Variants in CCDC102B observed in about 807,000 individuals in gnomAD.
CCDC102B encodes coiled-coil domain containing 102B.
In CCDC102B, 75 loss-of-function variants were observed where a neutral mutation model predicts 57.4. That is an observed-to-expected ratio of 1.31 (90% confidence interval 1.08 to 1.58). CCDC102B has a LOEUF of 1.58. Ranked by LOEUF, CCDC102B falls within the 40% of genes most tolerant of loss-of-function variation. The pLI, the probability that CCDC102B is intolerant of heterozygous loss-of-function variation, is 0.00. For synonymous variants in CCDC102B, 206 were observed against 201.9 expected (o/e 1.02, Z -0.17); for missense variants, 636 against 582.6 (o/e 1.09, Z -0.94).
rs1489258957 is a variant in CCDC102B at position 68,802,451 on chromosome 18, TTA to T, written c.-16+4272_-16+4273del. Among the ~76,000 whole-genome samples, 6 of 152,318 alleles carry T rather than the reference TTA, an allele frequency of 3.9e-5. No individual in the cohort carries two copies. The East Asian group carries it at 1.2e-3, about 29-fold the overall frequency. Reference sequence around the variant, plus strand: ...GCTATATGAATTTACTTGCTGGCTTTTATGTTTTTGATATGTTTTTATATTTT... The same window carrying T: ...GCTATATGAATTTACTTGCTGGCTTTTGTTTTTGATATGTTTTTATATTTT... On this transcript the variant is annotated intron_variant, in intron 1 of 7. Coordinates refer to ENST00000360242, the MANE Select transcript of CCDC102B (RefSeq NM_024781.3).
intron 2 of CCDC102B, among the ~76,000 whole-genome samples, chr18:68,780,113 AATACG>A: frequency 6.6e-6 from 1 of 152,120 alleles, no homozygotes; most frequent in Non-Finnish European, 1.5e-5. Context: ...TGAATTATAC[AATACG>A]TTGTTTTTTT....
chr18:68,970,153 A>G (rs540864721), intron 6 of CCDC102B, among the ~76,000 whole-genome samples: 1 of 152,182 alleles, frequency 6.6e-6, no homozygotes, highest in East Asian at 1.9e-4. Context: ...TGCTGTCAAA[A>G]TCATAGACTG....
At chr18:68,884,205 C>G (rs1193027380) in intron 5 of CCDC102B, among the ~76,000 whole-genome samples, 2 of 152,132 alleles carry the variant, frequency 1.3e-5, no homozygotes, top group Non-Finnish European at 2.9e-5. Context: ...TGTTAAGATA[C>G]AGCACTCCCA....
intron 7 of CCDC102B, chr18:69,011,350 G>A (rs2051510583): frequency 4.7e-6 from 2 of 424,974 alleles, no homozygotes; most frequent in East Asian, 6.5e-5. Context: ...ATGACCTTGT[G>A]TGCACGTGCG....
chr18:68,864,561 T>C (rs1466465100), intron 4 of CCDC102B, among the ~76,000 whole-genome samples: 2 of 152,132 alleles, frequency 1.3e-5, no homozygotes, highest in Non-Finnish European at 2.9e-5. Flanking sequence ...GTTTTAATAA[T>C]TTTGTTTCAA....
At chr18:68,871,375 G>A (rs555444173) in intron 4 of CCDC102B, among the ~76,000 whole-genome samples, 186 of 151,228 alleles carry the variant, frequency 1.2e-3, no homozygotes, top group Middle Eastern at 3.4e-3. Context: ...ATCATTGTTA[G>A]CATCTGTAAG....
intron 7 of CCDC102B, among the ~76,000 whole-genome samples, chr18:69,011,996 A>G (rs2051530840): frequency 6.6e-6 from 1 of 152,184 alleles, no homozygotes; most frequent in African/African-American, 2.4e-5. Context: ...TAATAATATT[A>G]TATGGAAACA....
intron 4 of CCDC102B, among the ~76,000 whole-genome samples, chr18:68,862,755 A>G (rs2038816187): frequency 6.6e-6 from 1 of 152,160 alleles, no homozygotes; most frequent in African/African-American, 2.4e-5. Context: ...AAGTATGCCT[A>G]TAAATAGAGA....
chr18:68,844,536 CT>C lies in CCDC102B; in HGVS notation c.828-1775del, dbSNP rs1314781140. On this transcript the variant is annotated intron_variant, in intron 3 of 7. Transcript: ENST00000360242. Reference sequence around the variant, plus strand: ...TTAAACATTCCAATGAAGTTACAAACTTAGTACAATTTTATTATAATTTTCA... The same window carrying C: ...TTAAACATTCCAATGAAGTTACAAACTAGTACAATTTTATTATAATTTTCA... 4.6e-5 allele frequency among the ~76,000 whole-genome samples: 7 copies of C among 151,810 alleles called. No homozygotes were observed. The East Asian group carries it at 9.6e-4, about 21-fold the overall frequency.
intron 7 of CCDC102B, among the ~76,000 whole-genome samples, chr18:69,038,042 T>C (rs984743432): frequency 6.6e-6 from 1 of 152,036 alleles, no homozygotes; most frequent in Non-Finnish European, 1.5e-5. Flanking sequence ...TATCAGAATG[T>C]TTAAGCAACC....
chr18:69,003,264 A>C (rs780702087), intron 6 of CCDC102B, among the ~76,000 whole-genome samples: 2 of 152,218 alleles, frequency 1.3e-5, no homozygotes, highest in Non-Finnish European at 2.9e-5. Context: ...TATCTTGTTT[A>C]AACTATGTCT....
intron 6 of CCDC102B, among the ~76,000 whole-genome samples, chr18:68,958,150 A>C (rs1159310191): frequency 9.9e-5 from 15 of 152,146 alleles, no homozygotes; most frequent in Admixed American, 7.2e-4. Context: ...TATCATGAGA[A>C]CAGCATGGGA....
At chr18:68,802,625 G>A (rs895409348) in intron 1 of CCDC102B, among the ~76,000 whole-genome samples, 9 of 152,196 alleles carry the variant, frequency 5.9e-5, no homozygotes, top group African/African-American at 2.2e-4. Flanking sequence ...GGTACTGAAT[G>A]CAAAGCTCTG....
chr18:68,852,845 T>A (rs7239249), intron 4 of CCDC102B, among the ~76,000 whole-genome samples: 94,358 of 152,070 alleles, frequency 0.62, 31,066 homozygotes, highest in Non-Finnish European at 0.72. Flanking sequence ...AAGGAGAAGA[T>A]GTGCAATTCC....
chr18:68,866,644 A>G, intron 4 of CCDC102B: 1 of 361,416 alleles, frequency 2.8e-6, no homozygotes, highest in Non-Finnish European at 5.4e-6. Flanking sequence ...TGGTTCTGGA[A>G]TAAGAACATA....
intron 4 of CCDC102B, among the ~76,000 whole-genome samples, chr18:68,866,175 G>A (rs1022761406): frequency 3.3e-5 from 5 of 152,138 alleles, no homozygotes; most frequent in South Asian, 2.1e-4. Context: ...AATTGTGTAC[G>A]CATAACAATT....
intron 6 of CCDC102B, among the ~76,000 whole-genome samples, chr18:68,999,269 TG>T (rs1193747626): frequency 6.6e-6 from 1 of 151,712 alleles, no homozygotes; most frequent in East Asian, 1.9e-4. Context: ...ATAGGTTGAG[TG>T]GGGCATGTAA....
At chr18:68,958,065 C>T (rs941764118) in intron 6 of CCDC102B, among the ~76,000 whole-genome samples, 10 of 152,170 alleles carry the variant, frequency 6.6e-5, no homozygotes, top group South Asian at 2.1e-4. Context: ...TCTCACATGC[C>T]AGCAGACAAG....
chr18:68,731,541 T>C (rs1262973488), intron 2 of CCDC102B, among the ~76,000 whole-genome samples: 1 of 152,060 alleles, frequency 6.6e-6, no homozygotes, highest in Non-Finnish European at 1.5e-5. Context: ...TACATTTGCA[T>C]ATTAGGTTGG....
Sources: allele counts gnomAD v4.1 joint callset (sites outside exome capture counted in the v4.1 genomes callset), GRCh38; gene constraint gnomAD v4.1.1; transcripts MANE v1.5; gene names NCBI Gene and HGNC (gene_info 2026-07-23, HGNC 2026-07-21).